The following UBE4B variants were observed in gnomAD, a reference collection of about 807,000 sequenced individuals.
UBE4B encodes ubiquitination factor E4B, also known as ubiquitin conjugation factor E4 B.
Under a neutral mutation model 148.1 loss-of-function variants are expected in UBE4B, and 27 were observed. The ratio of observed to expected loss-of-function variants is 0.18; its 90% CI spans 0.13 to 0.25. UBE4B has a LOEUF of 0.25. UBE4B is among the 10% of genes least tolerant of loss of function. The probability of loss-of-function intolerance (pLI) is 1.00; values close to 1 mark genes in which losing one functional copy is unlikely to be tolerated. For missense variants in UBE4B, 1,170 were observed against 1,662.4 expected (o/e 0.70, Z 5.15); for synonymous variants, 596 against 619.3 (o/e 0.96, Z 0.56).
chr1:10,060,340 A>C (rs1257413948), intron 1 of UBE4B, among the ~76,000 whole-genome samples: 2 of 152,198 alleles, frequency 1.3e-5, no homozygotes, highest in Admixed American at 1.3e-4. Flanking sequence ...CCTGTACTGC[A>C]TGTAACTATA....
In UBE4B at chr1:10,132,463, T is replaced by A. The variant is rs1381432709; in HGVS notation, c.2006T>A (p.Met669Lys). 6.2e-7 allele frequency: 1 copy of A among 1,614,126 alleles called. No homozygotes were observed. Among genetic ancestry groups the A allele is most frequent in the Non-Finnish European group, 8.5e-7 (1 of 1,180,012 alleles). Residue 669 changes from methionine (M) to lysine (K), a missense_variant, in exon 15 of 28, where the codon ATG becomes AAG. By Grantham distance (95) the Met-to-Lys change is moderately conservative. This residue lies in a region of UBE4B where 388 missense variants were observed against 536.0 expected (regional missense o/e 0.72). Transcript: ENST00000343090. ...SYMAAVVNAN[M>K]KKAQMQTDDR... is the part of the protein sequence containing the mutation. ...ATGGCGGCTGTCGTCAATGCCAATA[T>A]GAAGAAAGCACAGATGCAGGTAGGA...
At chr1:10,164,230 A>G (rs1646212517) in intron 23 of UBE4B, among the ~76,000 whole-genome samples, 1 of 152,040 alleles carries the variant, frequency 6.6e-6, no homozygotes, top group South Asian at 2.1e-4. Flanking sequence ...AATCCCAGCT[A>G]TTTGGAAGGC....
chr1:10,035,156 G>A (rs1233542492), intron 1 of UBE4B, among the ~76,000 whole-genome samples: 1 of 144,324 alleles, frequency 6.9e-6, no homozygotes, highest in African/African-American at 2.6e-5. Context: ...CCGCTACCAC[G>A]CCCGGCTATT....
chr1:10,047,609 C>G (rs1177754460), intron 1 of UBE4B, among the ~76,000 whole-genome samples: 1 of 151,294 alleles, frequency 6.6e-6, no homozygotes, highest in Non-Finnish European at 1.5e-5. Flanking sequence ...TCTCCTGCCT[C>G]AGCCTCCCGA....
chr1:10,064,620 C>T (rs906577517), intron 1 of UBE4B, among the ~76,000 whole-genome samples: 1 of 152,130 alleles, frequency 6.6e-6, no homozygotes, highest in Non-Finnish European at 1.5e-5. Flanking sequence ...TCTCTATCAC[C>T]TCGTCTCTTT....
At chr1:10,099,057 G>A (rs147528251) in intron 3 of UBE4B, among the ~76,000 whole-genome samples, 1,725 of 152,174 alleles carry the variant, frequency 0.011, 30 homozygotes, top group African/African-American at 0.039. Context: ...TAGCCAACAT[G>A]GTAAAACCCT....
At chr1:10,051,312 T>G (rs1269196266) in intron 1 of UBE4B, among the ~76,000 whole-genome samples, 2 of 152,208 alleles carry the variant, frequency 1.3e-5, no homozygotes, top group African/African-American at 4.8e-5. Flanking sequence ...ATTGGAGTGA[T>G]GTGAAGTGTG....
intron 11 of UBE4B, chr1:10,128,500 G>T (rs1645538989): frequency 1.3e-5 from 2 of 152,082 alleles, no homozygotes; most frequent in Admixed American, 6.6e-5. Context: ...ATCTTTAAAG[G>T]TGTTTCTGCC....
intron 21 of UBE4B, among the ~76,000 whole-genome samples, chr1:10,155,967 T>A (rs1646062624): frequency 6.7e-6 from 1 of 148,168 alleles, no homozygotes; most frequent in African/African-American, 2.5e-5. Context: ...GAGGTGGAGG[T>A]CGCAGTGAGC....
chr1:10,144,671 G>A (rs1458017763), intron 17 of UBE4B, among the ~76,000 whole-genome samples: 2 of 150,988 alleles, frequency 1.3e-5, no homozygotes, highest in African/African-American at 2.4e-5. Flanking sequence ...GGAGGCGGAG[G>A]TTGCAGTGAG....
At chr1:10,125,135 AAAAG>A (rs1356614517) in intron 10 of UBE4B, among the ~76,000 whole-genome samples, 2 of 151,254 alleles carry the variant, frequency 1.3e-5, no homozygotes, top group East Asian at 3.8e-4. Context: ...GGAAAAAAGA[AAAAG>A]AAAAAGAAAA....
intron 3 of UBE4B, among the ~76,000 whole-genome samples, chr1:10,096,950 A>C (rs918402236): frequency 1.3e-5 from 2 of 151,862 alleles, no homozygotes; most frequent in African/African-American, 4.8e-5. Context: ...AAGGCAGGAG[A>C]ATCACTTGAA....
At chr1:10,103,185 C>G in intron 5 of UBE4B, 93 bp downstream of exon 5, 1 of 1,361,598 alleles carries the variant, frequency 7.3e-7, no homozygotes, top group East Asian at 2.3e-5. Flanking sequence ...TTCACTCCAT[C>G]TTGCTCTTGG....
intron 1 of UBE4B, among the ~76,000 whole-genome samples, chr1:10,051,480 T>C (rs967214267): frequency 2.6e-5 from 4 of 152,188 alleles, no homozygotes; most frequent in African/African-American, 9.7e-5. Flanking sequence ...GGTATCTTAC[T>C]AGTTAAGGTA....
chr1:10,115,172 T>C (rs1440047116), intron 7 of UBE4B, among the ~76,000 whole-genome samples: 2 of 151,836 alleles, frequency 1.3e-5, no homozygotes, highest in Non-Finnish European at 2.9e-5. Context: ...TACTTTTTTT[T>C]TTTTTTTTTT....
rs923808588 is a variant in UBE4B at position 10,161,959 on chromosome 1, T to TTCTCATG, written c.3198+676_3198+682dup. Reference sequence around the variant, plus strand: ...AATCAGAACTGATTTCCATAAGGGGTTCTCATGTCAAAGTGGGGACTGCTT... The same window carrying TTCTCATG: ...AATCAGAACTGATTTCCATAAGGGGTTCTCATGTCTCATGTCAAAGTGGGGACTGCTT... On this transcript the variant is annotated intron_variant, in intron 23 of 27. Coordinates refer to ENST00000343090, the MANE Select transcript of UBE4B (RefSeq NM_001105562.3). The surrounding 1 kb of genome is among the most constrained non-coding windows in gnomAD (Gnocchi z 4.1). Among the ~76,000 whole-genome samples, 1 of 151,894 alleles carries TTCTCATG rather than the reference T, an allele frequency of 6.6e-6. No individual in the cohort carries two copies. The highest frequency in any genetic ancestry group is 2.4e-5 in the African/African-American group (1 of 41,352).
chr1:10,143,822 G>C (rs768313472), intron 17 of UBE4B, among the ~76,000 whole-genome samples: 1 of 152,158 alleles, frequency 6.6e-6, no homozygotes, highest in Non-Finnish European at 1.5e-5. Context: ...AAGCTGCTTC[G>C]GAGGTCAGCC....
intron 3 of UBE4B, among the ~76,000 whole-genome samples, chr1:10,097,577 G>A (rs778318101): frequency 6.6e-6 from 1 of 152,154 alleles, no homozygotes; most frequent in South Asian, 2.1e-4. Context: ...TTGGGAGGCC[G>A]ACGCAGGTGT....
rs895426614 is a variant in UBE4B, at chr1:10,170,568, T to C, written c.3334-570T>C. 3.3e-5 allele frequency among the ~76,000 whole-genome samples: 5 copies of C among 152,312 alleles called. No individual in the cohort carries two copies. In the East Asian group the frequency reaches 9.6e-4, roughly 29 times the overall value. ...GCATAGATTATTACTATTTTCCAGG[T>C]GTTTCATTTAAGTTTACTCTGTCTC... On this transcript the variant is annotated intron_variant, in intron 24 of 27. Coordinates refer to ENST00000343090, the MANE Select transcript of UBE4B (RefSeq NM_001105562.3).
Sources: allele counts gnomAD v4.1 joint callset (sites outside exome capture counted in the v4.1 genomes callset), GRCh38; gene constraint gnomAD v4.1.1; regional missense constraint gnomAD v4.1.1; non-coding constraint Gnocchi (gnomAD v3.1); transcripts MANE v1.5; gene names NCBI Gene and HGNC (gene_info 2026-07-23, HGNC 2026-07-21).